Variants in PINX1 observed in about 807,000 individuals in gnomAD.
PINX1 encodes the protein PIN2/TERF1-interacting telomerase inhibitor 1.
PINX1 carries 34 observed loss-of-function variants against 25.4 expected under a neutral mutation model. The observed-to-expected ratio is 1.34, with a 90% CI of 1.02 to 1.78. The LOEUF (loss-of-function observed/expected upper bound fraction) is 1.78, where lower values mean the gene tolerates loss of function less well. Ranked by LOEUF, PINX1 falls within the 40% of genes most tolerant of loss-of-function variation. The pLI is 0.00. For missense variants in PINX1, 592 were observed against 404.9 expected, an observed-to-expected ratio of 1.46 and a Z score of -3.97; for synonymous variants, 197 against 147.7, an observed-to-expected ratio of 1.33 and a Z score of -2.42.
intron 6 of PINX1, among the ~76,000 whole-genome samples, chr8:10,807,425 C>A (rs1015538113): frequency 1.9e-4 from 27 of 142,466 alleles, no homozygotes; most frequent in African/African-American, 6.8e-4. Context: ...CAACTACTGG[C>A]TTCCTGACAA....
At chr8:10,817,143 G>C (rs747376789) in intron 6 of PINX1, among the ~76,000 whole-genome samples, 1 of 152,148 alleles carries the variant, frequency 6.6e-6, no homozygotes, top group Admixed American at 6.5e-5. Flanking sequence ...AGACAGATCA[G>C]CATCGGCACC....
chr8:10,797,540 T>C lies in PINX1; in HGVS notation c.471+22653A>G, dbSNP rs1045744549. On this transcript the variant is annotated intron_variant, in intron 6 of 6. Transcript: ENST00000314787. Reference sequence around the variant, plus strand: ...CTAAAAACAAACAGGGCCTAAGTCATGTAGATTACTGCAGCTTCAGGAATA... The same window carrying C: ...CTAAAAACAAACAGGGCCTAAGTCACGTAGATTACTGCAGCTTCAGGAATA... Among the ~76,000 whole-genome samples, 6 of 152,208 alleles carry C rather than the reference T, an allele frequency of 3.9e-5. 2 individuals carry two copies. The South Asian group carries it at 1.0e-3, about 26-fold the overall frequency.
At chr8:10,772,308 G>C (rs981157929) in intron 6 of PINX1, among the ~76,000 whole-genome samples, 1 of 152,228 alleles carries the variant, frequency 6.6e-6, no homozygotes, top group African/African-American at 2.4e-5. Flanking sequence ...GCTGATTCTA[G>C]GGAGTCATTG....
At chr8:10,777,068 A>C (rs1305423411) in intron 6 of PINX1, among the ~76,000 whole-genome samples, 1 of 152,212 alleles carries the variant, frequency 6.6e-6, no homozygotes, top group Non-Finnish European at 1.5e-5. Flanking sequence ...TCTGTCAACA[A>C]ACAAAAAGCC....
intron 4 of PINX1, among the ~76,000 whole-genome samples, chr8:10,827,615 G>T (rs1563235694): frequency 2.6e-4 from 40 of 151,726 alleles, no homozygotes. Context: ...AGAGAAACTG[G>T]AAAAAAAGCA....
At chr8:10,834,425 G>A (rs1418582056) in intron 2 of PINX1, 17 of 490,314 alleles carry the variant, frequency 3.5e-5, no homozygotes, top group East Asian at 2.2e-4. Context: ...GGGAAAAAGC[G>A]TGTAGCCTAG....
intron 6 of PINX1, among the ~76,000 whole-genome samples, chr8:10,767,098 G>C (rs1164188276): frequency 1.4e-5 from 2 of 142,204 alleles, no homozygotes; most frequent in East Asian, 4.4e-4. Flanking sequence ...ACAAGAAGAG[G>C]CTGGGTGTTC....
chr8:10,816,432 C>T (rs1404541290), intron 6 of PINX1, among the ~76,000 whole-genome samples: 1 of 152,120 alleles, frequency 6.6e-6, no homozygotes, highest in Non-Finnish European at 1.5e-5. Flanking sequence ...AATAGAGAGA[C>T]GAAAAAATAC....
At chr8:10,780,573 G>C (rs1801555387) in intron 6 of PINX1, among the ~76,000 whole-genome samples, 1 of 151,322 alleles carries the variant, frequency 6.6e-6, no homozygotes, top group Non-Finnish European at 1.5e-5. Flanking sequence ...TGAAAACCTA[G>C]CTGAAAAAGA....
At chr8:10,822,755 A>G (rs923642499) in intron 5 of PINX1, among the ~76,000 whole-genome samples, 7 of 152,172 alleles carry the variant, frequency 4.6e-5, no homozygotes, top group African/African-American at 1.4e-4. Context: ...TAACCCAACA[A>G]GCTGTATTAG....
chr8:10,838,543 G>A (rs1798474132), intron 1 of PINX1, among the ~76,000 whole-genome samples: 1 of 152,180 alleles, frequency 6.6e-6, no homozygotes, highest in Non-Finnish European at 1.5e-5. Context: ...ACTGATCAAA[G>A]GAACAGACAT....
chr8:10,824,438 G>C (rs1797974347), intron 5 of PINX1, among the ~76,000 whole-genome samples: 1 of 152,122 alleles, frequency 6.6e-6, no homozygotes, highest in Admixed American at 6.5e-5. Flanking sequence ...TCTGCAATCT[G>C]ACAATAGATC....
At chr8:10,768,369 T>C (rs1444469682) in intron 6 of PINX1, among the ~76,000 whole-genome samples, 1 of 152,248 alleles carries the variant, frequency 6.6e-6, no homozygotes, top group Non-Finnish European at 1.5e-5. Context: ...CGGAACTAAT[T>C]GCTGGTATTA....
At chr8:10,768,309 CTTACCTTGCTCATCTATTTA>C (rs1230805031) in intron 6 of PINX1, among the ~76,000 whole-genome samples, 4 of 152,234 alleles carry the variant, frequency 2.6e-5, no homozygotes, top group Non-Finnish European at 5.9e-5. Flanking sequence ...CCTATGACTC[CTTACCTTGCTCATCTATTTA>C]TTACCTTGTG....
At chr8:10,795,363 T>C (rs1802053529) in intron 6 of PINX1, among the ~76,000 whole-genome samples, 1 of 152,154 alleles carries the variant, frequency 6.6e-6, no homozygotes, top group Non-Finnish European at 1.5e-5. Context: ...GCCAGCAAAA[T>C]TTTTAACAAT....
chr8:10,791,226 T>A (rs773394217), intron 6 of PINX1, among the ~76,000 whole-genome samples: 1 of 152,188 alleles, frequency 6.6e-6, no homozygotes, highest in Non-Finnish European at 1.5e-5. Context: ...TCCCCCCTTT[T>A]TAGATCCTCA....
At chr8:10,814,377 G>A (rs996019826) in intron 6 of PINX1, among the ~76,000 whole-genome samples, 1 of 152,210 alleles carries the variant, frequency 6.6e-6, no homozygotes, top group African/African-American at 2.4e-5. Flanking sequence ...GACAGCTGCT[G>A]TGTCTGGAGG....
intron 6 of PINX1, among the ~76,000 whole-genome samples, chr8:10,786,140 G>C (rs556062407): frequency 6.6e-6 from 1 of 152,112 alleles, no homozygotes; most frequent in Admixed American, 6.5e-5. Context: ...AAAATGCCTT[G>C]TTATCTTAAA....
At chr8:10,817,613 G>A (rs1361840195) in intron 6 of PINX1, among the ~76,000 whole-genome samples, 1 of 152,216 alleles carries the variant, frequency 6.6e-6, no homozygotes, top group Non-Finnish European at 1.5e-5. Context: ...ACACATGCAG[G>A]CATGTCAAAA....
Sources: allele counts gnomAD v4.1 joint callset (sites outside exome capture counted in the v4.1 genomes callset), GRCh38; gene constraint gnomAD v4.1.1; transcripts MANE v1.5; gene names NCBI Gene and HGNC (gene_info 2026-07-23, HGNC 2026-07-21).